AKT3: variants seen among roughly 807,000 people sequenced by gnomAD.
The protein encoded by AKT3 is RAC-gamma serine/threonine-protein kinase.
AKT3 carries 15 observed loss-of-function variants against 65.3 expected under a neutral mutation model. The ratio of observed to expected loss-of-function variants is 0.23; its 90% CI spans 0.15 to 0.35. The LOEUF is 0.35. Ranked by LOEUF, AKT3 falls within the 10% of genes least tolerant of loss-of-function variation. The pLI, the probability that AKT3 is intolerant of heterozygous loss-of-function variation, is 1.00. For missense variants in AKT3, 243 were observed against 576.5 expected (o/e 0.42, Z 5.92); for synonymous variants, 206 against 183.8 (o/e 1.12, Z -0.98).
intron 8 of AKT3, among the ~76,000 whole-genome samples, chr1:243,588,678 G>T (rs1675977009): frequency 6.6e-6 from 1 of 152,056 alleles, no homozygotes; most frequent in Non-Finnish European, 1.5e-5. Flanking sequence ...AGGAAAACTG[G>T]ATATACACAT....
chr1:243,689,482 A>AT (rs11354558), intron 3 of AKT3, among the ~76,000 whole-genome samples: 2,626 of 128,352 alleles, frequency 0.02, 41 homozygotes, highest in African/African-American at 0.051. Flanking sequence ...TTATTCAAAG[A>AT]TTTTTTTTTT....
At chr1:243,530,708 G>A (rs1438416099) in intron 12 of AKT3, among the ~76,000 whole-genome samples, 1 of 152,066 alleles carries the variant, frequency 6.6e-6, no homozygotes. Context: ...TGCAGAAAAA[G>A]TACAAAAGAT....
chr1:243,604,513 C>T (rs1419179542), intron 8 of AKT3, among the ~76,000 whole-genome samples: 1 of 152,222 alleles, frequency 6.6e-6, no homozygotes, highest in African/African-American at 2.4e-5. Flanking sequence ...GTGTACTCTA[C>T]ACATGCCATT....
chr1:243,585,617 C>A (rs1322262479), intron 8 of AKT3, among the ~76,000 whole-genome samples: 1 of 152,026 alleles, frequency 6.6e-6, no homozygotes, highest in Non-Finnish European at 1.5e-5. Flanking sequence ...TTTGGCAAGG[C>A]TGACAAAAAT....
At chr1:243,723,218 A>T (rs1005190322) in intron 2 of AKT3, among the ~76,000 whole-genome samples, 1 of 152,170 alleles carries the variant, frequency 6.6e-6, no homozygotes. Flanking sequence ...TCAAATCAGG[A>T]GCATCTGTCC....
chr1:243,604,750 T>C (rs747257337), intron 8 of AKT3, among the ~76,000 whole-genome samples: 30 of 152,292 alleles, frequency 2.0e-4, no homozygotes, highest in Non-Finnish European at 4.0e-4. Flanking sequence ...TATTTTCTCA[T>C]CTATCTCCCC....
chr1:243,782,812 G>A (rs1392382890), intron 2 of AKT3, among the ~76,000 whole-genome samples: 2 of 152,136 alleles, frequency 1.3e-5, no homozygotes, highest in African/African-American at 4.8e-5. Context: ...CCCATTCTGG[G>A]TGGATTAAAG....
In AKT3 at chr1:243,768,827, G is replaced by A. The variant is rs1332175787; in HGVS notation, c.47-73111C>T. ...TCCAGTCCGGGCAAGACAGTGATCC[G>A]CCACAAAAAAAAAAAAAAAAAGAGA... On this transcript the variant is annotated intron_variant, in intron 2 of 13. Transcript: ENST00000673466. Among the ~76,000 whole-genome samples, 7 of 118,002 alleles carry A rather than the reference G, an allele frequency of 5.9e-5. No individual in the cohort carries two copies. In the East Asian group the frequency reaches 1.3e-3, roughly 22 times the overall value. 77.4% of individuals were successfully genotyped at this position (118,002 alleles called of 152,430 possible). A position where few individuals can be genotyped will look rare whatever the true frequency, so the allele number is the denominator to read the frequency against.
intron 2 of AKT3, among the ~76,000 whole-genome samples, chr1:243,726,438 A>G (rs1231832777): frequency 6.6e-6 from 1 of 152,218 alleles, no homozygotes; most frequent in Non-Finnish European, 1.5e-5. Context: ...AACTCAATTA[A>G]TGCAGGGAAC....
intron 2 of AKT3, among the ~76,000 whole-genome samples, chr1:243,771,574 G>T (rs971412942): frequency 1.3e-5 from 2 of 152,050 alleles, no homozygotes; most frequent in Non-Finnish European, 2.9e-5. Flanking sequence ...TTCAGAGTTA[G>T]CTATCTGCAA....
intron 3 of AKT3, among the ~76,000 whole-genome samples, chr1:243,693,223 C>A (rs1684814109): frequency 2.0e-5 from 2 of 99,122 alleles, no homozygotes; most frequent in Admixed American, 1.3e-4. Flanking sequence ...ATATATATAT[C>A]CCTTTGGTAG....
intron 3 of AKT3, among the ~76,000 whole-genome samples, chr1:243,667,334 C>T (rs1007878997): frequency 3.3e-5 from 5 of 152,124 alleles, no homozygotes; most frequent in Non-Finnish European, 7.4e-5. Flanking sequence ...CATGTCCGAA[C>T]GTGAACTCTT....
At chr1:243,834,854 A>C (rs1435272095) in intron 2 of AKT3, among the ~76,000 whole-genome samples, 6 of 152,188 alleles carry the variant, frequency 3.9e-5, no homozygotes, top group African/African-American at 1.4e-4. Flanking sequence ...AAATGACCAT[A>C]CTTTTCCTGC....
intron 2 of AKT3, among the ~76,000 whole-genome samples, chr1:243,724,930 C>T (rs1377350197): frequency 6.6e-6 from 1 of 151,874 alleles, no homozygotes; most frequent in Non-Finnish European, 1.5e-5. Context: ...GGGTTGGGCA[C>T]AGTGGCTCAC....
At chr1:243,849,523 A>C (rs1441235606) in intron 1 of AKT3, among the ~76,000 whole-genome samples, 1 of 150,056 alleles carries the variant, frequency 6.7e-6, no homozygotes, top group Non-Finnish European at 1.5e-5. Flanking sequence ...CCTCAGCGCC[A>C]GGGCGCGCGG....
At chr1:243,682,195 T>C (rs988159187) in intron 3 of AKT3, among the ~76,000 whole-genome samples, 4 of 152,108 alleles carry the variant, frequency 2.6e-5, no homozygotes, top group African/African-American at 9.7e-5. Flanking sequence ...AAAAAAATTA[T>C]ACAGTAAATA....
At chr1:243,776,867 T>C (rs1690586073) in intron 2 of AKT3, among the ~76,000 whole-genome samples, 1 of 152,198 alleles carries the variant, frequency 6.6e-6, no homozygotes, top group Admixed American at 6.5e-5. Flanking sequence ...GGAATTCGTA[T>C]ATCTAATAAT....
intron 2 of AKT3, among the ~76,000 whole-genome samples, chr1:243,763,310 A>G (rs1252388595): frequency 6.6e-6 from 1 of 152,116 alleles, no homozygotes; most frequent in East Asian, 1.9e-4. Flanking sequence ...GGTAAGCTAT[A>G]TTTCAGAGAA....
At chr1:243,638,287 C>G (rs976472997) in intron 5 of AKT3, among the ~76,000 whole-genome samples, 4 of 152,102 alleles carry the variant, frequency 2.6e-5, no homozygotes, top group African/African-American at 4.8e-5. Flanking sequence ...AGTTGTTATT[C>G]CTGAGAGAGT....
Sources: gnomAD v4.1 joint callset for allele counts (sites outside exome capture counted in the v4.1 genomes callset) on GRCh38, gnomAD v4.1.1 for gene constraint, MANE v1.5 for transcripts, NCBI Gene and HGNC (gene_info 2026-07-23, HGNC 2026-07-21) for gene names.